The following ASTN1 variants were observed in gnomAD, a reference collection of about 807,000 sequenced individuals.
ASTN1 encodes astrotactin-1.
In ASTN1, 41 loss-of-function variants were observed where a neutral mutation model predicts 140.7. That is an observed-to-expected ratio of 0.29 (90% confidence interval 0.23 to 0.38). The LOEUF (loss-of-function observed/expected upper bound fraction) is 0.38, where lower values mean the gene tolerates loss of function less well. Ranked by LOEUF, ASTN1 falls within the 10% of genes least tolerant of loss-of-function variation. The pLI, the probability that ASTN1 is intolerant of heterozygous loss-of-function variation, is 1.00. For missense variants in ASTN1, 1,479 were observed against 1,678.8 expected (o/e 0.88, Z 2.08); for synonymous variants, 640 against 652.2 (o/e 0.98, Z 0.29).
intron 11 of ASTN1, among the ~76,000 whole-genome samples, chr1:176,957,234 T>C (rs977637985): frequency 2.6e-5 from 4 of 152,122 alleles, no homozygotes; most frequent in African/African-American, 7.2e-5. Context: ...CGAAGTACTT[T>C]AGGAGCCCAG....
rs759830127 is a variant in ASTN1, at chr1:176,861,810, CAAAGAT to C, written c.*2468_*2473del. 1 of 985,182 alleles carries C rather than the reference CAAAGAT, an allele frequency of 1.0e-6. No homozygotes were observed. The highest frequency in any genetic ancestry group is 1.2e-6 in the Non-Finnish European group (1 of 829,918). The allele number at this position is 985,182 out of a possible 1,614,324, so 61.0% of individuals were successfully genotyped here. ...GGTCACAGAAAGAAGAAGTAAAAGACAAAGATAAAGAAGGTAGAGGAACTTGGGAGA... is the reference window on the plus strand; with the variant it reads ...GGTCACAGAAAGAAGAAGTAAAAGACAAAGAAGGTAGAGGAACTTGGGAGA... On this transcript the variant is annotated 3_prime_UTR_variant, in exon 23 of 23. Transcript: ENST00000361833.
chr1:177,026,164 G>T (rs7513967), intron 5 of ASTN1, among the ~76,000 whole-genome samples: 53,338 of 152,054 alleles, frequency 0.35, 10,136 homozygotes, highest in Non-Finnish European at 0.43. Context: ...CTGGAAAGGA[G>T]AGACTTGAGG....
At chr1:176,930,017 A>G (rs1279827525) in intron 16 of ASTN1, among the ~76,000 whole-genome samples, 2 of 152,186 alleles carry the variant, frequency 1.3e-5, no homozygotes, top group African/African-American at 4.8e-5. Flanking sequence ...CAAAAAAACA[A>G]AAGGATAACA....
intron 1 of ASTN1, among the ~76,000 whole-genome samples, chr1:177,105,848 A>C (rs1466668902): frequency 1.3e-5 from 2 of 152,166 alleles, no homozygotes; most frequent in African/African-American, 4.8e-5. Flanking sequence ...ACACAGCACT[A>C]GCTGGGTGCG....
intron 16 of ASTN1, among the ~76,000 whole-genome samples, chr1:176,927,049 G>A (rs35911166): frequency 0.028 from 4,232 of 152,292 alleles, 83 homozygotes; most frequent in Middle Eastern, 0.041. Context: ...CATCTTGTCT[G>A]CTGGAAATAC....
intron 1 of ASTN1, among the ~76,000 whole-genome samples, chr1:177,098,674 G>T (rs1680159784): frequency 6.6e-6 from 1 of 152,028 alleles, no homozygotes; most frequent in South Asian, 2.1e-4. Context: ...GAAAGCAGAA[G>T]GACAAAGTAA....
At chr1:176,966,292 C>T (rs1672880270) in intron 8 of ASTN1, among the ~76,000 whole-genome samples, 2 of 152,230 alleles carry the variant, frequency 1.3e-5, no homozygotes, top group East Asian at 1.9e-4. Context: ...GAGGGTATCA[C>T]CCCATAGAGG....
chr1:177,037,027 G>A (rs1676751477), intron 2 of ASTN1, among the ~76,000 whole-genome samples: 1 of 151,940 alleles, frequency 6.6e-6, no homozygotes, highest in African/African-American at 2.4e-5. Context: ...ACCATGTCGG[G>A]GAGGCTGGTC....
chr1:176,987,238 T>C (rs577805899), intron 8 of ASTN1, among the ~76,000 whole-genome samples: 1 of 152,298 alleles, frequency 6.6e-6, no homozygotes, highest in South Asian at 2.1e-4. Flanking sequence ...ATTTTTGGCA[T>C]TGCAAGCCAA....
chr1:177,145,562 A>G (rs1410123212), intron 1 of ASTN1, among the ~76,000 whole-genome samples: 1 of 152,204 alleles, frequency 6.6e-6, no homozygotes, highest in Non-Finnish European at 1.5e-5. Flanking sequence ...TTGTGTGTGT[A>G]TAAAGCTCTG....
intron 20 of ASTN1, among the ~76,000 whole-genome samples, chr1:176,877,447 G>T (rs1668612592): frequency 6.6e-6 from 1 of 152,174 alleles, no homozygotes; most frequent in Non-Finnish European, 1.5e-5. Context: ...GCCCACTGTG[G>T]ACCAGGAATC....
intron 2 of ASTN1, among the ~76,000 whole-genome samples, chr1:177,043,166 T>G (rs1025425805): frequency 6.6e-6 from 1 of 152,208 alleles, no homozygotes; most frequent in Non-Finnish European, 1.5e-5. Flanking sequence ...CACTCAACCA[T>G]TTCCTTGAGA....
At chr1:177,008,489 G>C (rs563297245) in intron 8 of ASTN1, among the ~76,000 whole-genome samples, 1 of 150,452 alleles carries the variant, frequency 6.6e-6, no homozygotes, top group Admixed American at 6.6e-5. Context: ...GAGGAAGAGA[G>C]AGAGGGAGAC....
chr1:176,926,743 G>T (rs973071491), intron 16 of ASTN1, among the ~76,000 whole-genome samples: 19 of 152,244 alleles, frequency 1.2e-4, no homozygotes, highest in African/African-American at 4.3e-4. Context: ...CAACCTTGGG[G>T]TTGTAAAACA....
intron 1 of ASTN1, among the ~76,000 whole-genome samples, chr1:177,078,769 A>G (rs1327248978): frequency 6.6e-6 from 1 of 152,196 alleles, no homozygotes; most frequent in African/African-American, 2.4e-5. Flanking sequence ...TGATGCTGGA[A>G]AGGACATACA....
rs1244728368 is a variant in ASTN1, at chr1:176,863,589, G to C, written c.*695C>G. On this transcript the variant is annotated 3_prime_UTR_variant, in exon 23 of 23. Coordinates refer to ENST00000361833, the MANE Select transcript of ASTN1 (RefSeq NM_004319.3). ...ATCATGTTGTTCAGAGGAAGGGACA[G>C]AGATCTGACAGAGGGAGATTTAATC... is the stretch of plus-strand genomic sequence containing the variant. 3 of 985,400 alleles carry C rather than the reference G, an allele frequency of 3.0e-6. No homozygotes were observed. Among genetic ancestry groups the C allele is most frequent in the Middle Eastern group, 5.2e-4 (1 of 1,936 alleles). 61.0% of individuals were successfully genotyped at this position (985,400 alleles called of 1,614,324 possible). A position where few individuals can be genotyped will look rare whatever the true frequency, so the allele number is the denominator to read the frequency against.
Position 177,022,489 on chromosome 1 carries a change from A to T in ASTN1, c.1438+915T>A, listed in dbSNP as rs749649307. Among the ~76,000 whole-genome samples the T allele has an allele frequency of 3.9e-5, 6 of 152,350 alleles. No individual in the cohort carries two copies. The East Asian group carries it at 1.2e-3, about 29-fold the overall frequency. On this transcript the variant is annotated intron_variant, in intron 7 of 22. Transcript: ENST00000361833. The stretch of plus-strand genomic sequence containing the variant: ...CAGTGAAAGTGCAAAGCAAACTGAA[A>T]TAAGAGATCCATGCTCCTGGCTTTG...
intron 1 of ASTN1, among the ~76,000 whole-genome samples, chr1:177,130,815 G>A (rs1291579507): frequency 2.0e-5 from 3 of 152,212 alleles, no homozygotes; most frequent in South Asian, 2.1e-4. Context: ...AAGTGGTGGA[G>A]GCAGACAAGG....
At chr1:177,097,105 CA>C (rs1379585418) in intron 1 of ASTN1, among the ~76,000 whole-genome samples, 1 of 151,972 alleles carries the variant, frequency 6.6e-6, no homozygotes, top group Non-Finnish European at 1.5e-5. Context: ...TAAACTAAGA[CA>C]AAAACCCAGT....
Sources: gnomAD v4.1 joint callset for allele counts (sites outside exome capture counted in the v4.1 genomes callset) on GRCh38, gnomAD v4.1.1 for gene constraint, MANE v1.5 for transcripts, NCBI Gene and HGNC (gene_info 2026-07-23, HGNC 2026-07-21) for gene names.